Variants in TET2 observed in about 807,000 individuals in gnomAD.
TET2 encodes tet methylcytosine dioxygenase 2.
In TET2, 299 loss-of-function variants were observed where a neutral mutation model predicts 142.9. The ratio of observed to expected loss-of-function variants is 2.09; its 90% CI spans 1.90 to 2.30. The LOEUF is 2.30. Ranked by LOEUF, TET2 falls within the 30% of genes most tolerant of loss-of-function variation. TET2 has a pLI of 0.00. For missense variants in TET2, 2,418 were observed against 2,378.0 expected, an observed-to-expected ratio of 1.02 and a Z score of -0.35; for synonymous variants, 819 against 849.0, an observed-to-expected ratio of 0.96 and a Z score of 0.61.
intron 1 of TET2, among the ~76,000 whole-genome samples, chr4:105,178,473 A>G (rs1724932453): frequency 6.6e-6 from 1 of 152,214 alleles, no homozygotes; most frequent in Non-Finnish European, 1.5e-5. Context: ...AAATGAATCT[A>G]TGTAATACTA....
At chr4:105,233,281 G>A (rs1170241363) in intron 2 of TET2, among the ~76,000 whole-genome samples, 2 of 151,154 alleles carry the variant, frequency 1.3e-5, no homozygotes, top group African/African-American at 2.4e-5. Context: ...CTACTTGGGA[G>A]GCTGAGGCAG....
At chr4:105,233,383 C>CAAA (rs34890297) in intron 2 of TET2, among the ~76,000 whole-genome samples, 11 of 76,138 alleles carry the variant, frequency 1.4e-4, no homozygotes, top group East Asian at 4.9e-4. Context: ...GACTCCATCT[C>CAAA]AAAAAAAAAA....
chr4:105,269,071 C>G (rs1730824842), intron 8 of TET2, among the ~76,000 whole-genome samples: 1 of 152,022 alleles, frequency 6.6e-6, no homozygotes, highest in Non-Finnish European at 1.5e-5. Flanking sequence ...TAAGTAGACC[C>G]AACATATATA....
intron 2 of TET2, among the ~76,000 whole-genome samples, chr4:105,198,204 T>C (rs1257521791): frequency 1.3e-5 from 2 of 151,932 alleles, no homozygotes; most frequent in African/African-American, 4.8e-5. Context: ...GGGGTGGTGG[T>C]GCATGCCTAT....
chr4:105,261,991 T>C, intron 8 of TET2, 143 bp downstream of exon 8: 1 of 590,254 alleles, frequency 1.7e-6, no homozygotes, highest in South Asian at 2.5e-5. Flanking sequence ...CAGTGTTCAG[T>C]TTCGAGTATA....
At chr4:105,194,950 A>C (rs188885442) in intron 2 of TET2, among the ~76,000 whole-genome samples, 1 of 152,198 alleles carries the variant, frequency 6.6e-6, no homozygotes, top group Non-Finnish European at 1.5e-5. Context: ...GAGTGGTATC[A>C]GTAGTCTCTG....
intron 6 of TET2, among the ~76,000 whole-genome samples, chr4:105,248,501 A>G (rs1393734355): frequency 2.0e-5 from 3 of 152,232 alleles, no homozygotes; most frequent in Non-Finnish European, 4.4e-5. Context: ...ATCATTTACC[A>G]TGAGCCAAAT....
chr4:105,218,482 C>A (rs1227917277), intron 2 of TET2, among the ~76,000 whole-genome samples: 3 of 152,088 alleles, frequency 2.0e-5, no homozygotes, highest in African/African-American at 7.2e-5. Flanking sequence ...AAATTACACC[C>A]TTCAAACCGA....
intron 2 of TET2, among the ~76,000 whole-genome samples, chr4:105,200,012 A>T (rs1183556998): frequency 6.6e-6 from 1 of 152,050 alleles, no homozygotes; most frequent in Non-Finnish European, 1.5e-5. Flanking sequence ...ATATGTGTGC[A>T]TGTGTCTTTA....
intron 3 of TET2, chr4:105,237,737 T>C: frequency 8.3e-7 from 1 of 1,206,724 alleles, no homozygotes; most frequent in Non-Finnish European, 1.0e-6. Flanking sequence ...ATAGGCAGTC[T>C]AATGTACGAA....
intron 2 of TET2, chr4:105,202,495 A>G (rs1335047283): frequency 6.6e-6 from 1 of 152,136 alleles, no homozygotes; most frequent in Non-Finnish European, 1.5e-5. Context: ...GTAATTCGCA[A>G]ATTTATTTTT....
intron 6 of TET2, among the ~76,000 whole-genome samples, chr4:105,255,056 T>C (rs376946907): frequency 2.0e-5 from 3 of 152,336 alleles, no homozygotes; most frequent in African/African-American, 7.2e-5. Flanking sequence ...TGACCTCATT[T>C]CTCTGACAGA....
chr4:105,148,923 C>G (rs967706202), intron 1 of TET2, among the ~76,000 whole-genome samples: 1 of 151,996 alleles, frequency 6.6e-6, no homozygotes, highest in Non-Finnish European at 1.5e-5. Context: ...CTATTTTGAT[C>G]TTTGTTAATT....
At chr4:105,214,200 T>C (rs1727338387) in intron 2 of TET2, among the ~76,000 whole-genome samples, 1 of 152,034 alleles carries the variant, frequency 6.6e-6, no homozygotes, top group African/African-American at 2.4e-5. Flanking sequence ...CAATATCCCT[T>C]TTTACAGTCT....
intron 1 of TET2, among the ~76,000 whole-genome samples, chr4:105,154,528 T>C (rs946654787): frequency 2.6e-5 from 4 of 152,118 alleles, no homozygotes. Context: ...CATCCTCTTA[T>C]AGATGAGAAG....
chr4:105,231,743 T>C (rs746332747), intron 2 of TET2, among the ~76,000 whole-genome samples: 1 of 152,192 alleles, frequency 6.6e-6, no homozygotes, highest in Non-Finnish European at 1.5e-5. Context: ...CTTATATCTT[T>C]AAAATAAATG....
chr4:105,211,338 T>G lies in TET2; in HGVS notation c.-47+20833T>G, dbSNP rs191179471. Among the ~76,000 whole-genome samples, 23 of 152,328 alleles carry G rather than the reference T, an allele frequency of 1.5e-4. No individual in the cohort carries two copies. In the East Asian group the frequency reaches 4.1e-3, roughly 27 times the overall value. Reference sequence around the variant, plus strand: ...TGAAATTGTTTGTTTATTTGGCTACTTGTTTGTCTAGATAAACTTCACTGG... The same window carrying G: ...TGAAATTGTTTGTTTATTTGGCTACGTGTTTGTCTAGATAAACTTCACTGG... On this transcript the variant is annotated intron_variant, in intron 2 of 10. Transcript: ENST00000380013.
At chr4:105,237,863 C>G in intron 3 of TET2, 3 of 1,069,394 alleles carry the variant, frequency 2.8e-6, no homozygotes, top group Non-Finnish European at 3.4e-6. Flanking sequence ...TGCTGACACT[C>G]TTAGTGCTCC....
intron 8 of TET2, among the ~76,000 whole-genome samples, 163 bp from the exon 9 acceptor site, chr4:105,269,447 G>T (rs1456819273): frequency 6.6e-6 from 1 of 152,124 alleles, no homozygotes; most frequent in Non-Finnish European, 1.5e-5. Context: ...ATTTTACCAT[G>T]TCAAGATATT....
Sources: allele counts gnomAD v4.1 joint callset (sites outside exome capture counted in the v4.1 genomes callset), GRCh38; gene constraint gnomAD v4.1.1; transcripts MANE v1.5; gene names NCBI Gene and HGNC (gene_info 2026-07-23, HGNC 2026-07-21).